Variants in DACH1 observed in about 807,000 individuals in gnomAD.
DACH1 encodes dachshund family transcription factor 1.
In DACH1, 12 loss-of-function variants were observed where a neutral mutation model predicts 54.2. That is an observed-to-expected ratio of 0.22 (90% CI 0.14 to 0.36). DACH1 has a LOEUF of 0.36. Ranked by LOEUF, DACH1 falls within the 10% of genes least tolerant of loss-of-function variation. The probability of loss-of-function intolerance (pLI) is 1.00; values close to 1 mark genes in which losing one functional copy is unlikely to be tolerated. For synonymous variants in DACH1, 386 were observed against 366.2 expected (o/e 1.05, Z -0.62); for missense variants, 805 against 929.8 (o/e 0.87, Z 1.75).
chr13:71,653,006 C>T (rs933243931), intron 2 of DACH1, among the ~76,000 whole-genome samples: 1 of 152,094 alleles, frequency 6.6e-6, no homozygotes, highest in African/African-American at 2.4e-5. Flanking sequence ...TAAATGAGAC[C>T]TCATCTTTCT....
intron 3 of DACH1, among the ~76,000 whole-genome samples, chr13:71,605,826 T>C (rs905297133): frequency 2.6e-5 from 4 of 152,090 alleles, no homozygotes; most frequent in African/African-American, 9.6e-5. Context: ...TCTCCCAGAT[T>C]CTCACCCCGT....
At chr13:71,616,040 A>G (rs977005599) in intron 3 of DACH1, among the ~76,000 whole-genome samples, 3 of 152,132 alleles carry the variant, frequency 2.0e-5, no homozygotes, top group Non-Finnish European at 2.9e-5. Context: ...GAAGGCAAAA[A>G]TGTCCTAACA....
intron 2 of DACH1, among the ~76,000 whole-genome samples, chr13:71,679,145 A>C (rs2138696066): frequency 6.6e-6 from 1 of 152,352 alleles, no homozygotes; most frequent in Non-Finnish European, 1.5e-5. Context: ...AGTGATTGAA[A>C]TACAGAAAAT....
In DACH1 at chr13:71,804,279, C is replaced by A. The variant is rs564595268; in HGVS notation, c.848+61643G>T. Among the ~76,000 whole-genome samples the A allele has an allele frequency of 4.6e-5, 7 of 152,160 alleles. No homozygotes were observed. The South Asian group carries it at 1.4e-3, about 32-fold the overall frequency. ...AGTGAGCCATGTTCGTACTACTGGA[C>A]TCCAGCCTCGGCAACAGGGTGAGAC... On this transcript the variant is annotated intron_variant, in intron 1 of 10. Coordinates refer to ENST00000613252, the MANE Select transcript of DACH1 (RefSeq NM_080759.6).
At chr13:71,445,618 C>T (rs1346843178) in intron 10 of DACH1, among the ~76,000 whole-genome samples, 1 of 152,172 alleles carries the variant, frequency 6.6e-6, no homozygotes, top group Non-Finnish European at 1.5e-5. Flanking sequence ...CACAGACAGA[C>T]CCTTGAAGAC....
chr13:71,847,767 A>T (rs574079221), intron 1 of DACH1, among the ~76,000 whole-genome samples: 21 of 152,284 alleles, frequency 1.4e-4, no homozygotes, highest in Admixed American at 1.2e-3. Context: ...TTCACAATAT[A>T]ATAAGGGAGA....
chr13:71,783,981 C>CAAAAAAAAAAAAAAAAAAAAAAAA (rs1184800767), intron 1 of DACH1, among the ~76,000 whole-genome samples: 1 of 104,390 alleles, frequency 9.6e-6, no homozygotes. Flanking sequence ...AAAAAAAAAA[C>CAAAAAAAAAAAAAAAAAAAAAAAA]AAAAAAAAAA....
intron 1 of DACH1, among the ~76,000 whole-genome samples, chr13:71,730,620 T>C (rs1486662119): frequency 6.6e-6 from 1 of 152,192 alleles, no homozygotes; most frequent in African/African-American, 2.4e-5. Context: ...CATATATGTA[T>C]ATGTGTGTAC....
chr13:71,754,299 T>C (rs1276192539), intron 1 of DACH1, among the ~76,000 whole-genome samples: 2 of 152,194 alleles, frequency 1.3e-5, no homozygotes, highest in African/African-American at 4.8e-5. Flanking sequence ...TTAATATCTC[T>C]AAAAATATGA....
At chr13:71,726,904 T>C (rs570305271) in intron 1 of DACH1, among the ~76,000 whole-genome samples, 1 of 152,098 alleles carries the variant, frequency 6.6e-6, no homozygotes, top group African/African-American at 2.4e-5. Flanking sequence ...AGACCAACAA[T>C]AAAAGTAATC....
intron 2 of DACH1, among the ~76,000 whole-genome samples, chr13:71,675,622 G>A (rs8002169): frequency 0.15 from 22,145 of 152,014 alleles, 3,975 homozygotes; most frequent in African/African-American, 0.42. Flanking sequence ...TGGAAAAATA[G>A]GGGACAGAAA....
chr13:71,581,977 G>A (rs1283805916), intron 3 of DACH1, among the ~76,000 whole-genome samples: 1 of 152,104 alleles, frequency 6.6e-6, no homozygotes, highest in Non-Finnish European at 1.5e-5. Flanking sequence ...TTATAAATAT[G>A]GGACTGAAAT....
At chr13:71,835,157 C>A (rs1888736265) in intron 1 of DACH1, among the ~76,000 whole-genome samples, 1 of 151,892 alleles carries the variant, frequency 6.6e-6, no homozygotes, top group African/African-American at 2.4e-5. Context: ...CCAAAATAGA[C>A]CAAAGGGAGC....
intron 4 of DACH1, among the ~76,000 whole-genome samples, chr13:71,563,482 A>G (rs1884718002): frequency 6.6e-6 from 1 of 151,972 alleles, no homozygotes; most frequent in South Asian, 2.1e-4. Context: ...GGAAACAATT[A>G]TTATGCCATT....
In DACH1 at chr13:71,584,072, A is replaced by C. The variant is rs192504106; in HGVS notation, c.1127-11060T>G. Among the ~76,000 whole-genome samples the C allele has an allele frequency of 2.0e-5, 3 of 152,306 alleles. No individual in the cohort carries two copies. The East Asian group carries it at 5.8e-4, about 29-fold the overall frequency. On this transcript the variant is annotated intron_variant, in intron 3 of 10. Transcript: ENST00000613252. ...TCACATCATTACATCAGAGAATATT[A>C]AGATCATCATATACAGATGCTCTCA...
chr13:71,668,108 G>A (rs1297520083), intron 2 of DACH1, among the ~76,000 whole-genome samples: 1 of 151,848 alleles, frequency 6.6e-6, no homozygotes, highest in Non-Finnish European at 1.5e-5. Context: ...AAACGAATAG[G>A]TCCAAAACTT....
At chr13:71,800,264 A>C (rs556898628) in intron 1 of DACH1, among the ~76,000 whole-genome samples, 1 of 152,276 alleles carries the variant, frequency 6.6e-6, no homozygotes, top group East Asian at 1.9e-4. Context: ...AAGGCACAGA[A>C]GCTTCCAATG....
intron 3 of DACH1, among the ~76,000 whole-genome samples, chr13:71,604,112 A>G (rs1029590496): frequency 6.6e-6 from 1 of 151,978 alleles, no homozygotes; most frequent in African/African-American, 2.4e-5. Flanking sequence ...AAGTTTACTG[A>G]TGTCATATTT....
chr13:71,608,172 A>T (rs1350674320), intron 3 of DACH1, among the ~76,000 whole-genome samples: 4 of 152,006 alleles, frequency 2.6e-5, no homozygotes, highest in Non-Finnish European at 4.4e-5. Context: ...TTATATACAC[A>T]TCAGAAAAAT....
Sources: gnomAD v4.1 joint callset for allele counts (sites outside exome capture counted in the v4.1 genomes callset) on GRCh38, gnomAD v4.1.1 for gene constraint, MANE v1.5 for transcripts, NCBI Gene and HGNC (gene_info 2026-07-23, HGNC 2026-07-21) for gene names.